Variants in TMEM132C observed in about 807,000 individuals in gnomAD.
TMEM132C encodes transmembrane protein 132C.
TMEM132C carries 29 observed loss-of-function variants against 61.4 expected under a neutral mutation model. That is an observed-to-expected ratio of 0.47 (90% CI 0.35 to 0.64). The LOEUF (loss-of-function observed/expected upper bound fraction) is 0.64. Among genes scored for constraint, TMEM132C ranks in the 30% least tolerant of loss-of-function variants. The probability of loss-of-function intolerance (pLI) is 0.00; values close to 1 mark genes in which losing one functional copy is unlikely to be tolerated. For missense variants in TMEM132C, 1,408 were observed against 1,476.9 expected (o/e 0.95, Z 0.76); for synonymous variants, 656 against 633.1 (o/e 1.04, Z -0.54).
intron 1 of TMEM132C, among the ~76,000 whole-genome samples, chr12:128,387,121 A>G (rs1201367626): frequency 6.8e-6 from 1 of 146,354 alleles, no homozygotes; most frequent in African/African-American, 2.5e-5. Flanking sequence ...AGCCTGGGTA[A>G]CAGAGCAAGA....
chr12:128,387,140 CA>C (rs34160455), intron 1 of TMEM132C, among the ~76,000 whole-genome samples: 4,327 of 85,570 alleles, frequency 0.051, 158 homozygotes, highest in African/African-American at 0.18. Context: ...GACTCTGCCT[CA>C]AAAAAAAAAA....
intron 4 of TMEM132C, among the ~76,000 whole-genome samples, chr12:128,652,016 G>A (rs1281475553): frequency 6.6e-6 from 1 of 152,136 alleles, no homozygotes; most frequent in Non-Finnish European, 1.5e-5. Flanking sequence ...TGTGACTAAT[G>A]CAGTTAGCAC....
At chr12:128,508,178 C>T (rs529134698) in intron 2 of TMEM132C, among the ~76,000 whole-genome samples, 17 of 152,174 alleles carry the variant, frequency 1.1e-4, no homozygotes, top group Admixed American at 2.6e-4. Flanking sequence ...TGGCAGAAGG[C>T]GATGAGGGAA....
chr12:128,338,564 A>G (rs1713621), intron 1 of TMEM132C, among the ~76,000 whole-genome samples: 31,223 of 151,642 alleles, frequency 0.21, 8,061 homozygotes, highest in African/African-American at 0.61. Flanking sequence ...AGCTGAGCAC[A>G]TGCTGGGTGC....
chr12:128,442,718 T>G (rs1428462111), intron 2 of TMEM132C, among the ~76,000 whole-genome samples: 1 of 152,110 alleles, frequency 6.6e-6, no homozygotes, highest in Non-Finnish European at 1.5e-5. Context: ...TTTTAAAAAT[T>G]AAGGTGAAAT....
intron 3 of TMEM132C, among the ~76,000 whole-genome samples, chr12:128,590,550 C>G (rs895423679): frequency 6.6e-6 from 1 of 152,174 alleles, no homozygotes; most frequent in East Asian, 1.9e-4. Context: ...CCGGGTCTCC[C>G]CCACTGCCAC....
intron 2 of TMEM132C, among the ~76,000 whole-genome samples, chr12:128,425,715 G>A (rs544975511): frequency 5.3e-5 from 8 of 152,160 alleles, no homozygotes; most frequent in Non-Finnish European, 1.0e-4. Flanking sequence ...AGCTGTCCTC[G>A]ATGGTCCTTG....
rs376062147 is a variant in TMEM132C, at chr12:128,444,083, G to A, written c.974+28463G>A. On this transcript the variant is annotated intron_variant, in intron 2 of 8. Coordinates refer to ENST00000435159, the MANE Select transcript of TMEM132C (RefSeq NM_001136103.3). The stretch of plus-strand genomic sequence containing the variant: ...AAACTACAGGCACACACCACCACGC[G>A]CAGCTAATTAAATTTTTTGTAGGAT... Among the ~76,000 whole-genome samples, 5 of 152,112 alleles carry A rather than the reference G, an allele frequency of 3.3e-5. No homozygotes were observed. The East Asian group carries it at 5.8e-4, about 18-fold the overall frequency.
rs989458240 is a variant in TMEM132C at position 128,515,453 on chromosome 12, C to T, written c.975-28504C>T. Among the ~76,000 whole-genome samples, 14 of 152,334 alleles carry T rather than the reference C, an allele frequency of 9.2e-5. No homozygotes were observed. In the East Asian group the frequency reaches 1.3e-3, roughly 15 times the overall value. ...TTGAAATGCTAAGCAGCTGAACTAA[C>T]GGTGGGATCACCTACTTTTGGGCTT... On this transcript the variant is annotated intron_variant, in intron 2 of 8. Coordinates refer to ENST00000435159, the MANE Select transcript of TMEM132C (RefSeq NM_001136103.3).
intron 1 of TMEM132C, among the ~76,000 whole-genome samples, chr12:128,287,543 C>A (rs953138373): frequency 1.3e-5 from 2 of 151,226 alleles, no homozygotes; most frequent in Non-Finnish European, 2.9e-5. Flanking sequence ...GTGTGTGTCT[C>A]TAGGTGCAAT....
intron 1 of TMEM132C, among the ~76,000 whole-genome samples, chr12:128,363,386 A>C (rs1873764469): frequency 6.6e-6 from 1 of 152,186 alleles, no homozygotes; most frequent in South Asian, 2.1e-4. Context: ...TCCAGGGATA[A>C]TCACTGGAAC....
intron 1 of TMEM132C, among the ~76,000 whole-genome samples, chr12:128,325,471 T>A (rs1872477290): frequency 6.6e-6 from 1 of 152,212 alleles, no homozygotes; most frequent in Non-Finnish European, 1.5e-5. Context: ...ATTATATGCC[T>A]GTATAAATGT....
At chr12:128,638,947 ATGG>A (rs1954124496) in intron 4 of TMEM132C, among the ~76,000 whole-genome samples, 3 of 66,884 alleles carry the variant, frequency 4.5e-5, no homozygotes, top group African/African-American at 1.6e-4. Context: ...GATGGTGATG[ATGG>A]TGGTGATGGT....
rs914090437 is a variant in TMEM132C at position 128,452,543 on chromosome 12, C to T, written c.974+36923C>T. Among the ~76,000 whole-genome samples, 24 of 147,424 alleles carry T rather than the reference C, an allele frequency of 1.6e-4. No homozygotes were observed. The Admixed American group carries it at 1.7e-3, about 10-fold the overall frequency. On this transcript the variant is annotated intron_variant, in intron 2 of 8. Coordinates refer to ENST00000435159, the MANE Select transcript of TMEM132C (RefSeq NM_001136103.3). ...ACTAAAAATACAAAAATTAGCCAGG[C>T]ATGGTGATGTGCCTCTCGTCGCAGC... is the stretch of plus-strand genomic sequence containing the variant.
At chr12:128,290,429 G>A (rs115513056) in intron 1 of TMEM132C, among the ~76,000 whole-genome samples, 4,045 of 152,064 alleles carry the variant, frequency 0.027, 206 homozygotes, top group African/African-American at 0.093. Flanking sequence ...GGGGAAAGCC[G>A]CCCCCATGAT....
intron 1 of TMEM132C, among the ~76,000 whole-genome samples, chr12:128,295,551 C>T (rs1310434678): frequency 8.0e-6 from 1 of 124,840 alleles, no homozygotes; most frequent in East Asian, 2.4e-4. Flanking sequence ...CTGCTACCTT[C>T]CACCCCCTCC....
In TMEM132C at chr12:128,378,119, G is replaced by GT. The variant is rs55959629; in HGVS notation, c.86-36600dup. Among the ~76,000 whole-genome samples the GT allele has an allele frequency of 1.6e-3, 238 of 145,352 alleles. 4 individuals are homozygous for GT. The highest frequency in any genetic ancestry group is 5.9e-3 in the South Asian group (26 of 4,422). The stretch of plus-strand genomic sequence containing the variant: ...TGCAAAAATAGAGCAGTTTTTTTTT[G>GT]TTTTTTTTTTTTTGACATGGAGTCT... On this transcript the variant is annotated intron_variant, in intron 1 of 8. Transcript: ENST00000435159.
intron 1 of TMEM132C, among the ~76,000 whole-genome samples, chr12:128,391,940 G>A (rs1874775900): frequency 6.6e-6 from 1 of 152,000 alleles, no homozygotes; most frequent in Non-Finnish European, 1.5e-5. Flanking sequence ...TACTTACATA[G>A]CATCCTCAAT....
intron 4 of TMEM132C, among the ~76,000 whole-genome samples, chr12:128,665,055 A>G (rs1237848734): frequency 6.6e-6 from 1 of 151,358 alleles, no homozygotes; most frequent in Non-Finnish European, 1.5e-5. Context: ...ATATACACAC[A>G]TAAGCACTCT....
Sources: gnomAD v4.1 joint callset for allele counts (sites outside exome capture counted in the v4.1 genomes callset) on GRCh38, gnomAD v4.1.1 for gene constraint, MANE v1.5 for transcripts, NCBI Gene and HGNC (gene_info 2026-07-23, HGNC 2026-07-21) for gene names.